FSTL1: variants seen among roughly 807,000 people sequenced by gnomAD.
FSTL1 encodes the protein follistatin-related protein 1.
In FSTL1, 24 loss-of-function variants were observed where a neutral mutation model predicts 45.9. The observed-to-expected ratio is 0.52, with a 90% CI of 0.38 to 0.74. The LOEUF (loss-of-function observed/expected upper bound fraction) is 0.74, where lower values mean the gene tolerates loss of function less well. Ranked by LOEUF, FSTL1 falls within the 30% of genes least tolerant of loss-of-function variation. The pLI is 0.00. For missense variants in FSTL1, 340 were observed against 381.8 expected, an observed-to-expected ratio of 0.89 and a Z score of 0.91; for synonymous variants, 120 against 137.6, an observed-to-expected ratio of 0.87 and a Z score of 0.89.
At chr3:120,437,511 A>G (rs1296453947) in intron 2 of FSTL1, among the ~76,000 whole-genome samples, 2 of 152,232 alleles carry the variant, frequency 1.3e-5, no homozygotes, top group Non-Finnish European at 2.9e-5. Flanking sequence ...TCTCACTATT[A>G]GAGCTATAGG....
At chr3:120,424,757 A>AG (rs1329782875) in intron 2 of FSTL1, among the ~76,000 whole-genome samples, 1 of 152,176 alleles carries the variant, frequency 6.6e-6, no homozygotes, top group Non-Finnish European at 1.5e-5. Context: ...GGGGGCTGCC[A>AG]GATCTTTGGC....
chr3:120,418,781 TTGTTG>T (rs1160698188), intron 2 of FSTL1, among the ~76,000 whole-genome samples: 1 of 152,090 alleles, frequency 6.6e-6, no homozygotes, highest in African/African-American at 2.4e-5. Flanking sequence ...TCTTAGAGGG[TTGTTG>T]TGAGGATTAA....
At chr3:120,410,133 T>C (rs1156288329) in intron 5 of FSTL1, 1 of 161,828 alleles carries the variant, frequency 6.2e-6, no homozygotes, top group East Asian at 1.8e-4. Context: ...CTTACAACTG[T>C]ATACCACCTG....
At chr3:120,426,460 C>T (rs1200331685) in intron 2 of FSTL1, among the ~76,000 whole-genome samples, 3 of 151,864 alleles carry the variant, frequency 2.0e-5, no homozygotes, top group African/African-American at 4.8e-5. Flanking sequence ...AGATGGATAT[C>T]GCCTAAGAGG....
chr3:120,412,803 C>T (rs1028703159), intron 3 of FSTL1, among the ~76,000 whole-genome samples: 1 of 148,464 alleles, frequency 6.7e-6, no homozygotes, highest in Non-Finnish European at 1.5e-5. Context: ...GGCAGGCAGG[C>T]AAACACACAC....
intron 2 of FSTL1, among the ~76,000 whole-genome samples, chr3:120,433,396 A>G (rs1937509789): frequency 6.6e-6 from 1 of 152,260 alleles, no homozygotes; most frequent in South Asian, 2.1e-4. Context: ...AATACGGCAC[A>G]GAGATGACTA....
At chr3:120,408,673 T>A (rs554464583) in intron 6 of FSTL1, among the ~76,000 whole-genome samples, 13 of 152,058 alleles carry the variant, frequency 8.5e-5, no homozygotes, top group Non-Finnish European at 1.6e-4. Context: ...AATGTGGGTA[T>A]CTGAATGTGT....
At chr3:120,398,316 G>A (rs913585588) in intron 10 of FSTL1, among the ~76,000 whole-genome samples, 8 of 151,956 alleles carry the variant, frequency 5.3e-5, no homozygotes, top group Admixed American at 6.6e-5. Context: ...TCCATCCATC[G>A]CCCCTTTGTG....
intron 3 of FSTL1, among the ~76,000 whole-genome samples, chr3:120,412,825 C>T (rs1315729294): frequency 1.5e-4 from 9 of 58,124 alleles, no homozygotes; most frequent in South Asian, 6.5e-4. Context: ...CATGTGCGCG[C>T]GCGCGCGCGC....
Position 120,394,788 on chromosome 3 carries a change from T to A in FSTL1, c.*2164A>T, listed in dbSNP as rs894490508. ...CCTCAGATCATGTGATTCTACGGCA[T>A]AGACGACAGCTGCCCTATTTACACA... On this transcript the variant is annotated 3_prime_UTR_variant, in exon 11 of 11. Transcript: ENST00000295633. 1 of 152,240 alleles carries A rather than the reference T, an allele frequency of 6.6e-6. No homozygotes were observed. Among genetic ancestry groups the A allele is most frequent in the Non-Finnish European group, 1.5e-5 (1 of 68,062 alleles). The allele number at this position is 152,240 out of a possible 1,614,324, so 9.4% of individuals were successfully genotyped here.
At position 120,437,543 on chromosome 3, in the gene FSTL1, T is replaced by C. The variant is rs568318165; in HGVS notation, c.63+13141A>G. On this transcript the variant is annotated intron_variant, in intron 2 of 10. Transcript: ENST00000295633. ...TAGGGAGATGGCCATGTTCTCCTAG[T>C]GGTGAAATTTAAGTCAGTGTCTATT... is the stretch of plus-strand genomic sequence containing the variant. 6.6e-5 allele frequency among the ~76,000 whole-genome samples: 10 copies of C among 152,308 alleles called. No homozygotes were observed. In the East Asian group the frequency reaches 1.9e-3, roughly 29 times the overall value.
rs763790670 is a variant in FSTL1 at position 120,444,396 on chromosome 3, T to C, written c.63+6288A>G. ...ATTTTCAAACCTTCTCCAAGTTCAG[T>C]AGGAAAGAATTCTATGATTGATTAG... On this transcript the variant is annotated intron_variant, in intron 2 of 10. Transcript: ENST00000295633. 1.9e-4 allele frequency among the ~76,000 whole-genome samples: 29 copies of C among 149,628 alleles called. 1 individual carries two copies. The highest frequency in any genetic ancestry group is 3.4e-4 in the Non-Finnish European group (23 of 68,022).
At chr3:120,410,755 T>G (rs1322075663) in intron 5 of FSTL1, 197 bp downstream of exon 5, 8 of 684,744 alleles carry the variant, frequency 1.2e-5, no homozygotes. Flanking sequence ...CCCAACCAGC[T>G]GCTTCAATTG....
intron 3 of FSTL1, among the ~76,000 whole-genome samples, chr3:120,415,306 A>C (rs1937168160): frequency 6.6e-6 from 1 of 152,232 alleles, no homozygotes; most frequent in Non-Finnish European, 1.5e-5. Flanking sequence ...CAAAGAACCA[A>C]CTGAATGTCC....
intron 2 of FSTL1, among the ~76,000 whole-genome samples, chr3:120,441,815 C>T (rs1280785257): frequency 6.6e-6 from 1 of 152,242 alleles, no homozygotes; most frequent in East Asian, 1.9e-4. Context: ...TCACAACCAA[C>T]CTATGGGGTA....
intron 2 of FSTL1, chr3:120,424,016 C>T (rs1937331343): frequency 6.6e-6 from 1 of 152,128 alleles, no homozygotes; most frequent in African/African-American, 2.4e-5. Flanking sequence ...ATCCTCCAGT[C>T]TTCTTCAGTA....
At chr3:120,417,734 T>C (rs1057326658) in intron 2 of FSTL1, among the ~76,000 whole-genome samples, 1 of 152,182 alleles carries the variant, frequency 6.6e-6, no homozygotes, top group Non-Finnish European at 1.5e-5. Context: ...CCATGAGTTA[T>C]GGACACACAA....
chr3:120,400,872 T>C (rs866746307), intron 9 of FSTL1, among the ~76,000 whole-genome samples: 1 of 152,208 alleles, frequency 6.6e-6, no homozygotes, highest in Admixed American at 6.5e-5. Flanking sequence ...CCATCTAACA[T>C]GGGTTGCTCC....
intron 2 of FSTL1, among the ~76,000 whole-genome samples, chr3:120,437,742 C>G (rs1256703871): frequency 6.6e-6 from 1 of 152,198 alleles, no homozygotes; most frequent in Non-Finnish European, 1.5e-5. Context: ...CTGGCTGGCT[C>G]CCCAGTCAGG....
Sources: gnomAD v4.1 joint callset for allele counts (sites outside exome capture counted in the v4.1 genomes callset) on GRCh38, gnomAD v4.1.1 for gene constraint, MANE v1.5 for transcripts, NCBI Gene and HGNC (gene_info 2026-07-23, HGNC 2026-07-21) for gene names.